MAST4: variants seen among roughly 807,000 people sequenced by gnomAD.
MAST4 encodes the protein microtubule associated serine/threonine kinase family member 4, also known as microtubule-associated serine/threonine-protein kinase 4.
Under a neutral mutation model 162.7 loss-of-function variants are expected in MAST4, and 89 were observed. The observed-to-expected ratio is 0.55, with a 90% CI of 0.46 to 0.65. MAST4 has a LOEUF of 0.65. MAST4 is among the 30% of genes least tolerant of loss of function. The probability of loss-of-function intolerance (pLI) is 0.00; values close to 1 mark genes in which losing one functional copy is unlikely to be tolerated. For synonymous variants in MAST4, 1,479 were observed against 1,361.1 expected (o/e 1.09, Z -1.91); for missense variants, 3,153 against 3,374.0 (o/e 0.93, Z 1.62).
chr5:66,930,713 T>G (rs1221352160), intron 4 of MAST4: 6 of 470,716 alleles, frequency 1.3e-5, no homozygotes, highest in Non-Finnish European at 2.6e-5. Context: ...AGAGCTGCCT[T>G]TATACCATTC....
chr5:66,962,091 G>A (rs923790250), intron 4 of MAST4, among the ~76,000 whole-genome samples: 3 of 152,178 alleles, frequency 2.0e-5, no homozygotes, highest in Non-Finnish European at 2.9e-5. Context: ...ATGGCATTTA[G>A]GATTTGCAAA....
intron 4 of MAST4, among the ~76,000 whole-genome samples, chr5:66,949,413 G>T (rs1744407846): frequency 6.6e-6 from 1 of 152,146 alleles, no homozygotes; most frequent in African/African-American, 2.4e-5. Context: ...AGATCTGATG[G>T]TTTTATTATA....
chr5:67,036,869 GTAATCCC>G (rs1440356384), intron 4 of MAST4, among the ~76,000 whole-genome samples: 3 of 152,158 alleles, frequency 2.0e-5, no homozygotes, highest in African/African-American at 7.2e-5. Flanking sequence ...CATTTTTGGA[GTAATCCC>G]ATCTTGTGGT....
At chr5:67,070,288 A>G (rs930562762) in intron 5 of MAST4, among the ~76,000 whole-genome samples, 4 of 152,194 alleles carry the variant, frequency 2.6e-5, no homozygotes, top group Non-Finnish European at 5.9e-5. Context: ...AACACATTTC[A>G]CATAAGCAGT....
intron 1 of MAST4, among the ~76,000 whole-genome samples, chr5:66,694,795 G>GC (rs1749292946): frequency 6.6e-6 from 1 of 152,138 alleles, no homozygotes; most frequent in South Asian, 2.1e-4. Context: ...CCAATCTTGA[G>GC]CTTTTTCTCA....
At chr5:66,833,828 A>C (rs982219977) in intron 3 of MAST4, among the ~76,000 whole-genome samples, 1 of 152,178 alleles carries the variant, frequency 6.6e-6, no homozygotes, top group African/African-American at 2.4e-5. Flanking sequence ...AGTATGTTAC[A>C]CTGAAACTAT....
rs982105968 is a variant in MAST4, at chr5:66,693,707, A to G, written c.364-66002A>G. Among the ~76,000 whole-genome samples the G allele has an allele frequency of 5.8e-5, 5 of 86,588 alleles. No individual in the cohort carries two copies. In the East Asian group the frequency reaches 1.4e-3, roughly 23 times the overall value. The allele number at this position is 86,588 out of a possible 152,430, so 56.8% of individuals were successfully genotyped here. On this transcript the variant is annotated intron_variant, in intron 1 of 28. Coordinates refer to ENST00000403625, the MANE Select transcript of MAST4 (RefSeq NM_001164664.2). Reference sequence around the variant, plus strand: ...CAAATGTCTTAAGATTATTAAACAAAGAGCTAGACGCTATCAAATCTCTTA... The same window carrying G: ...CAAATGTCTTAAGATTATTAAACAAGGAGCTAGACGCTATCAAATCTCTTA...
intron 1 of MAST4, among the ~76,000 whole-genome samples, chr5:66,610,982 C>T (rs1477731391): frequency 1.3e-5 from 2 of 152,248 alleles, no homozygotes; most frequent in African/African-American, 4.8e-5. Context: ...CCAGTGAAGG[C>T]TCAGAATTTA....
At chr5:67,004,616 T>G (rs548543679) in intron 4 of MAST4, 1 of 186,790 alleles carries the variant, frequency 5.4e-6, no homozygotes, top group Non-Finnish European at 1.1e-5. Flanking sequence ...GAGTGGTATC[T>G]GCCAAACAGA....
chr5:66,732,424 T>G (rs1751910117), intron 1 of MAST4, among the ~76,000 whole-genome samples: 1 of 152,160 alleles, frequency 6.6e-6, no homozygotes, highest in Non-Finnish European at 1.5e-5. Flanking sequence ...TAACATTGCC[T>G]CTTCTTCCTG....
In MAST4 at chr5:66,790,457, T is replaced by C. The variant is rs182120506; in HGVS notation, c.642+1663T>C. On this transcript the variant is annotated intron_variant, in intron 3 of 28. Transcript: ENST00000403625. ...AAATAATTATCTTTAAAGAAATTTC[T>C]TTCAGGATAGTTTATGACTTCAAAA... is the stretch of plus-strand genomic sequence containing the variant. Among the ~76,000 whole-genome samples the C allele has an allele frequency of 2.7e-3, 416 of 152,372 alleles. 6 individuals carry two copies. Among genetic ancestry groups the C allele is most frequent in the Admixed American group, 0.021 (324 of 15,310 alleles).
intron 4 of MAST4, among the ~76,000 whole-genome samples, chr5:66,967,184 G>A (rs1170375789): frequency 6.6e-6 from 1 of 152,166 alleles, no homozygotes; most frequent in Non-Finnish European, 1.5e-5. Flanking sequence ...ACAGAGTGGT[G>A]GTGGTGAGTA....
chr5:67,044,540 G>A (rs1179990150), intron 4 of MAST4, among the ~76,000 whole-genome samples: 1 of 151,996 alleles, frequency 6.6e-6, no homozygotes, highest in African/African-American at 2.4e-5. Context: ...AATTAGAGAG[G>A]GTCTTGCTCT....
intron 4 of MAST4, among the ~76,000 whole-genome samples, chr5:66,940,945 CT>C (rs1349364086): frequency 1.3e-5 from 2 of 152,114 alleles, no homozygotes; most frequent in Non-Finnish European, 2.9e-5. Flanking sequence ...ATATCAATTT[CT>C]TTGTACATCT....
intron 1 of MAST4, among the ~76,000 whole-genome samples, chr5:66,663,482 G>A (rs1053943143): frequency 6.6e-6 from 1 of 152,130 alleles, no homozygotes; most frequent in Non-Finnish European, 1.5e-5. Flanking sequence ...GTCTTTTACT[G>A]GTCAGTTATG....
At chr5:67,080,484 G>A (rs887702344) in intron 5 of MAST4, among the ~76,000 whole-genome samples, 1 of 151,884 alleles carries the variant, frequency 6.6e-6, no homozygotes, top group Non-Finnish European at 1.5e-5. Context: ...AGAGTTGTGT[G>A]TGGCTTAAAA....
At chr5:67,153,384 T>TTTTTATTAATTTG in intron 25 of MAST4, 74 bp from the exon 26 acceptor site, 1 of 1,455,056 alleles carries the variant, frequency 6.9e-7, no homozygotes, top group Non-Finnish European at 9.2e-7. Context: ...AACTCATTAT[T>TTTTTATTAATTTG]CTCCCAGAAG....
intron 4 of MAST4, among the ~76,000 whole-genome samples, chr5:66,940,948 T>C (rs529220135): frequency 2.6e-5 from 4 of 152,306 alleles, no homozygotes; most frequent in Non-Finnish European, 5.9e-5. Flanking sequence ...TCAATTTCTT[T>C]GTACATCTTC....
chr5:66,862,841 A>AGTT (rs1760217481), intron 3 of MAST4, among the ~76,000 whole-genome samples: 4 of 152,194 alleles, frequency 2.6e-5, no homozygotes, highest in Non-Finnish European at 5.9e-5. Flanking sequence ...GCTGATGTCC[A>AGTT]GGAAGGCTGA....
Sources: allele counts gnomAD v4.1 joint callset (sites outside exome capture counted in the v4.1 genomes callset), GRCh38; gene constraint gnomAD v4.1.1; transcripts MANE v1.5; gene names NCBI Gene and HGNC (gene_info 2026-07-23, HGNC 2026-07-21).